DLGAP2: variants seen among roughly 807,000 people sequenced by gnomAD.
The protein encoded by DLGAP2 is DLG associated protein 2.
A neutral mutation model predicts 100.3 loss-of-function variants in DLGAP2; 26 were observed. The observed-to-expected ratio is 0.26, with a 90% CI of 0.19 to 0.36. The LOEUF is 0.36. Among genes scored for constraint, DLGAP2 ranks in the 10% least tolerant of loss-of-function variants. The pLI, the probability that DLGAP2 is intolerant of heterozygous loss-of-function variation, is 1.00. For missense variants in DLGAP2, 1,858 were observed against 1,453.2 expected, an observed-to-expected ratio of 1.28 and a Z score of -4.53; for synonymous variants, 886 against 630.1, an observed-to-expected ratio of 1.41 and a Z score of -6.08.
At chr8:1,319,375 G>A (rs1356680168) in intron 3 of DLGAP2, among the ~76,000 whole-genome samples, 1 of 152,192 alleles carries the variant, frequency 6.6e-6, no homozygotes, top group Non-Finnish European at 1.5e-5. Flanking sequence ...TGGGAGAGAG[G>A]CCACGTGTGG....
At chr8:1,521,894 A>G (rs1263791216) in intron 4 of DLGAP2, among the ~76,000 whole-genome samples, 2 of 146,526 alleles carry the variant, frequency 1.4e-5, no homozygotes, top group Non-Finnish European at 3.0e-5. Flanking sequence ...TTAATTTGGA[A>G]TACTCGGGTG....
intron 1 of DLGAP2, among the ~76,000 whole-genome samples, chr8:876,681 G>T (rs545024030): frequency 6.6e-6 from 1 of 152,126 alleles, no homozygotes; most frequent in Non-Finnish European, 1.5e-5. Flanking sequence ...TTGTTTTTCA[G>T]TATGTTTGGG....
intron 3 of DLGAP2, among the ~76,000 whole-genome samples, chr8:1,295,160 G>A (rs1324875622): frequency 6.6e-6 from 1 of 152,210 alleles, no homozygotes; most frequent in Non-Finnish European, 1.5e-5. Context: ...GTGTCTGCGT[G>A]TTCTGGCCTC....
intron 2 of DLGAP2, among the ~76,000 whole-genome samples, chr8:1,159,342 T>C (rs1174694354): frequency 1.3e-5 from 2 of 152,246 alleles, no homozygotes; most frequent in African/African-American, 4.8e-5. Context: ...GTATAAGGGA[T>C]ACTGATTTTG....
intron 1 of DLGAP2, among the ~76,000 whole-genome samples, chr8:852,252 T>C (rs908035166): frequency 1.3e-5 from 2 of 152,190 alleles, no homozygotes; most frequent in Admixed American, 6.5e-5. Flanking sequence ...CAGACTTCCG[T>C]GTCCCCTCTC....
intron 3 of DLGAP2, among the ~76,000 whole-genome samples, chr8:1,458,213 T>G (rs545547706): frequency 6.6e-6 from 1 of 152,074 alleles, no homozygotes; most frequent in South Asian, 2.1e-4. Flanking sequence ...GCCTCTGTTG[T>G]CTGATCTTAA....
chr8:1,171,352 A>G (rs1797124132), intron 2 of DLGAP2, among the ~76,000 whole-genome samples: 1 of 152,088 alleles, frequency 6.6e-6, no homozygotes, highest in Non-Finnish European at 1.5e-5. Context: ...AAAAAAATGT[A>G]TATTCTGTTG....
intron 6 of DLGAP2, among the ~76,000 whole-genome samples, chr8:1,598,000 T>G (rs1796511540): frequency 6.6e-6 from 1 of 152,216 alleles, no homozygotes; most frequent in African/African-American, 2.4e-5. Flanking sequence ...ATATTGGCTG[T>G]GGGTTTGTCA....
At chr8:1,349,358 G>A (rs796954971) in intron 3 of DLGAP2, among the ~76,000 whole-genome samples, 2,435 of 40,634 alleles carry the variant, frequency 0.06, no homozygotes, top group East Asian at 0.14. Flanking sequence ...GGAGACTATC[G>A]TGAGCCTCGT....
chr8:1,084,466 A>G (rs977752501), intron 2 of DLGAP2, among the ~76,000 whole-genome samples: 7 of 152,242 alleles, frequency 4.6e-5, no homozygotes, highest in African/African-American at 1.4e-4. Flanking sequence ...ATGCCGTGCT[A>G]TTGATCTAGA....
At chr8:1,617,834 C>T (rs796119518) in intron 6 of DLGAP2, among the ~76,000 whole-genome samples, 1 of 152,012 alleles carries the variant, frequency 6.6e-6, no homozygotes, top group East Asian at 1.9e-4. Context: ...ATTTGATTAA[C>T]CCAAAAGAAA....
intron 3 of DLGAP2, among the ~76,000 whole-genome samples, chr8:1,360,518 G>A (rs972797188): frequency 5.3e-5 from 8 of 152,268 alleles, no homozygotes; most frequent in African/African-American, 1.7e-4. Context: ...TTGGTTGTTT[G>A]CCCTCGAGGG....
intron 2 of DLGAP2, among the ~76,000 whole-genome samples, chr8:1,178,725 T>A (rs1797314304): frequency 6.6e-6 from 1 of 152,138 alleles, no homozygotes; most frequent in Non-Finnish European, 1.5e-5. Context: ...GGGCAGTGCT[T>A]TTCTTCCCCT....
chr8:1,030,074 C>A (rs1801931057), intron 2 of DLGAP2, among the ~76,000 whole-genome samples: 1 of 150,314 alleles, frequency 6.7e-6, no homozygotes, highest in African/African-American at 2.5e-5. Context: ...CAGGATTAGA[C>A]AAATGTTAAC....
At chr8:1,322,131 A>G (rs1800915519) in intron 3 of DLGAP2, among the ~76,000 whole-genome samples, 1 of 152,226 alleles carries the variant, frequency 6.6e-6, no homozygotes, top group South Asian at 2.1e-4. Context: ...ATATTAAGTG[A>G]ATACCTATTT....
At chr8:1,374,015 G>A (rs1052369468) in intron 3 of DLGAP2, among the ~76,000 whole-genome samples, 1 of 152,218 alleles carries the variant, frequency 6.6e-6, no homozygotes, top group African/African-American at 2.4e-5. Flanking sequence ...TTTAAGCTGA[G>A]GGGTGGGGCG....
chr8:1,064,602 T>C (rs1009336450), intron 2 of DLGAP2, among the ~76,000 whole-genome samples: 1 of 152,266 alleles, frequency 6.6e-6, no homozygotes, highest in Admixed American at 6.5e-5. Context: ...CACTATTTAA[T>C]TTGATGGCTT....
chr8:971,905 C>G (rs1800024487), intron 2 of DLGAP2, among the ~76,000 whole-genome samples: 1 of 152,136 alleles, frequency 6.6e-6, no homozygotes, highest in Admixed American at 6.5e-5. Flanking sequence ...CCCAGGGGTA[C>G]AGGCTTATTA....
intron 2 of DLGAP2, among the ~76,000 whole-genome samples, chr8:968,316 T>C (rs144119390): frequency 6.6e-6 from 1 of 152,136 alleles, no homozygotes; most frequent in Non-Finnish European, 1.5e-5. Flanking sequence ...CCCACCTAAT[T>C]CTCTGAGAAC....
Sources: gnomAD v4.1 joint callset for allele counts (sites outside exome capture counted in the v4.1 genomes callset) on GRCh38, gnomAD v4.1.1 for gene constraint, MANE v1.5 for transcripts, NCBI Gene and HGNC (gene_info 2026-07-23, HGNC 2026-07-21) for gene names.